Variants in ZBTB20 observed in about 807,000 individuals in gnomAD.
The protein encoded by ZBTB20 is zinc finger and BTB domain containing 20.
ZBTB20 carries 9 observed loss-of-function variants against 56.9 expected under a neutral mutation model. The ratio of observed to expected loss-of-function variants is 0.16; its 90% confidence interval spans 0.10 to 0.28. The LOEUF is 0.28. Ranked by LOEUF, ZBTB20 falls within the 10% of genes least tolerant of loss-of-function variation. ZBTB20 has a pLI of 1.00. For synonymous variants in ZBTB20, 417 were observed against 420.7 expected, an observed-to-expected ratio of 0.99 and a Z score of 0.11; for missense variants, 655 against 1,003.0, an observed-to-expected ratio of 0.65 and a Z score of 4.69.
chr3:115,132,901 C>T (rs1335167138), intron 1 of ZBTB20, among the ~76,000 whole-genome samples: 1 of 152,154 alleles, frequency 6.6e-6, no homozygotes, highest in East Asian at 1.9e-4. Flanking sequence ...ATCATGCTTA[C>T]ATTCCCACTT....
intron 2 of ZBTB20, among the ~76,000 whole-genome samples, chr3:115,041,735 A>G (rs576351449): frequency 4.6e-5 from 7 of 152,226 alleles, no homozygotes; most frequent in Non-Finnish European, 1.0e-4. Flanking sequence ...TTTGTAACTT[A>G]AGATGTAAAA....
intron 6 of ZBTB20, among the ~76,000 whole-genome samples, chr3:114,630,967 T>C (rs1230053789): frequency 6.6e-6 from 1 of 152,124 alleles, no homozygotes; most frequent in Non-Finnish European, 1.5e-5. Flanking sequence ...CCAACTCCCT[T>C]TGCATAGTTA....
intron 6 of ZBTB20, among the ~76,000 whole-genome samples, chr3:114,572,855 T>C (rs2053583574): frequency 6.6e-6 from 1 of 152,218 alleles, no homozygotes; most frequent in African/African-American, 2.4e-5. Flanking sequence ...TTATTCATTC[T>C]TACACAGAGC....
At chr3:115,091,243 A>G (rs1055172311) in intron 1 of ZBTB20, among the ~76,000 whole-genome samples, 1 of 151,998 alleles carries the variant, frequency 6.6e-6, no homozygotes, top group African/African-American at 2.4e-5. Context: ...ATGAAATATC[A>G]AATAGCACTT....
chr3:114,922,401 T>C (rs1440722502), intron 3 of ZBTB20, among the ~76,000 whole-genome samples: 1 of 152,138 alleles, frequency 6.6e-6, no homozygotes, highest in East Asian at 1.9e-4. Context: ...CATAATCTTA[T>C]ATGTAGAAAA....
intron 7 of ZBTB20, among the ~76,000 whole-genome samples, chr3:114,463,717 C>T (rs547127849): frequency 2.6e-5 from 4 of 152,286 alleles, no homozygotes; most frequent in East Asian, 1.9e-4. Flanking sequence ...AGCTACTGTG[C>T]ATTAACATTT....
intron 5 of ZBTB20, among the ~76,000 whole-genome samples, chr3:114,754,207 G>A (rs914295371): frequency 3.3e-5 from 5 of 152,130 alleles, no homozygotes; most frequent in Non-Finnish European, 7.4e-5. Flanking sequence ...TCTTTTACAG[G>A]CCAGCTGAGC....
At chr3:114,430,974 A>G (rs1653502208) in intron 7 of ZBTB20, among the ~76,000 whole-genome samples, 1 of 152,184 alleles carries the variant, frequency 6.6e-6, no homozygotes, top group South Asian at 2.1e-4. Context: ...AGATGTGGGG[A>G]AAGGTTGTTT....
chr3:114,786,282 TC>T (rs929445554), intron 5 of ZBTB20, among the ~76,000 whole-genome samples: 7 of 152,058 alleles, frequency 4.6e-5, no homozygotes, highest in African/African-American at 1.4e-4. Flanking sequence ...CCTAATGCTA[TC>T]CCTTCCCCAG....
intron 6 of ZBTB20, among the ~76,000 whole-genome samples, chr3:114,616,346 A>C (rs2057942640): frequency 6.6e-6 from 1 of 152,160 alleles, no homozygotes; most frequent in Non-Finnish European, 1.5e-5. Flanking sequence ...ATGCCGATTA[A>C]ATATTTTGCA....
chr3:114,668,843 CTG>C (rs1439017840), intron 6 of ZBTB20, among the ~76,000 whole-genome samples: 1 of 152,078 alleles, frequency 6.6e-6, no homozygotes, highest in African/African-American at 2.4e-5. Flanking sequence ...AAAGGAAGCT[CTG>C]AGGTCTGCCT....
intron 5 of ZBTB20, among the ~76,000 whole-genome samples, chr3:114,717,474 G>A (rs935814256): frequency 6.6e-6 from 1 of 152,058 alleles, no homozygotes; most frequent in African/African-American, 2.4e-5. Context: ...CCTTTTCCAT[G>A]TCTCTTTCTA....
intron 4 of ZBTB20, among the ~76,000 whole-genome samples, chr3:114,817,003 AG>A (rs751739395): frequency 3.4e-4 from 51 of 152,232 alleles, no homozygotes; most frequent in Non-Finnish European, 6.3e-4. Flanking sequence ...TTAAGCTGCA[AG>A]TGAAGAAACA....
chr3:114,543,287 T>G (rs1376189017), intron 6 of ZBTB20, among the ~76,000 whole-genome samples: 1 of 152,162 alleles, frequency 6.6e-6, no homozygotes, highest in Non-Finnish European at 1.5e-5. Context: ...CCAAATATTT[T>G]TGATGTGTGG....
At chr3:115,041,224 GT>G (rs1307462302) in intron 2 of ZBTB20, among the ~76,000 whole-genome samples, 1 of 152,028 alleles carries the variant, frequency 6.6e-6, no homozygotes, top group East Asian at 1.9e-4. Flanking sequence ...ACTTCATAAA[GT>G]CATGTTATAT....
intron 6 of ZBTB20, among the ~76,000 whole-genome samples, chr3:114,683,993 A>C (rs1411873833): frequency 6.6e-6 from 1 of 152,116 alleles, no homozygotes; most frequent in Non-Finnish European, 1.5e-5. Flanking sequence ...GATCTGGGGA[A>C]GGTTAGGCTG....
intron 3 of ZBTB20, among the ~76,000 whole-genome samples, chr3:114,921,776 A>G (rs908630034): frequency 2.0e-5 from 3 of 151,208 alleles, no homozygotes; most frequent in African/African-American, 7.3e-5. Flanking sequence ...TGATGAGTTA[A>G]TGGGTGCAGC....
At chr3:114,894,131 C>T (rs930205715) in intron 4 of ZBTB20, among the ~76,000 whole-genome samples, 7 of 151,830 alleles carry the variant, frequency 4.6e-5, no homozygotes, top group Non-Finnish European at 8.8e-5. Context: ...AAAAGCAGCA[C>T]GGGATGCTAG....
chr3:114,395,565 C>G (rs545276621), intron 7 of ZBTB20, among the ~76,000 whole-genome samples: 34 of 152,218 alleles, frequency 2.2e-4, no homozygotes, highest in Non-Finnish European at 4.7e-4. Context: ...AACAAATTCC[C>G]AAGTCTACGT....
Sources: allele counts gnomAD v4.1 joint callset (sites outside exome capture counted in the v4.1 genomes callset), GRCh38; gene constraint gnomAD v4.1.1; transcripts MANE v1.5; gene names NCBI Gene and HGNC (gene_info 2026-07-23, HGNC 2026-07-21).